The following FRY variants were observed in gnomAD, a reference collection of about 807,000 sequenced individuals.
FRY encodes FRY microtubule binding protein, also known as protein furry homolog.
Under a neutral mutation model 348.4 loss-of-function variants are expected in FRY, and 128 were observed. The ratio of observed to expected loss-of-function variants is 0.37; its 90% CI spans 0.32 to 0.43. The LOEUF is 0.43. Among genes scored for constraint, FRY ranks in the 20% least tolerant of loss-of-function variants. The pLI, the probability that FRY is intolerant of heterozygous loss-of-function variation, is 1.00. For missense variants in FRY, 2,736 were observed against 3,695.2 expected, an observed-to-expected ratio of 0.74 and a Z score of 6.73; for synonymous variants, 1,370 against 1,374.7, an observed-to-expected ratio of 1.00 and a Z score of 0.08.
Position 32,155,734 on chromosome 13 carries a change from G to C in FRY, c.1651+72G>C, listed in dbSNP as rs1204678571. The C allele has an allele frequency of 6.1e-6, 6 of 987,722 alleles. No homozygotes were observed. In the East Asian group the frequency reaches 1.3e-4, roughly 21 times the overall value. 61.2% of individuals were successfully genotyped at this position (987,722 alleles called of 1,614,324 possible). Reference sequence around the variant, plus strand: ...AATGACCAGTAGATATTTATCTTTAGTGAGATGCAGTTTTTAAAAATCTTT... The same window carrying C: ...AATGACCAGTAGATATTTATCTTTACTGAGATGCAGTTTTTAAAAATCTTT... On this transcript the variant is annotated intron_variant, in intron 15 of 60. Coordinates refer to ENST00000542859, the MANE Select transcript of FRY (RefSeq NM_023037.3).
At chr13:32,070,462 A>G (rs371220) in intron 1 of FRY, among the ~76,000 whole-genome samples, 103,396 of 151,936 alleles carry the variant, frequency 0.68, 35,391 homozygotes, top group Non-Finnish European at 0.69. Flanking sequence ...TTTCTCTGAT[A>G]ACCAGTGATG....
chr13:32,069,665 T>C (rs969711459), intron 1 of FRY, among the ~76,000 whole-genome samples: 3 of 152,352 alleles, frequency 2.0e-5, no homozygotes, highest in African/African-American at 7.2e-5. Flanking sequence ...GAAGACATTA[T>C]GCTAAGTGAA....
intron 35 of FRY, among the ~76,000 whole-genome samples, chr13:32,216,521 A>G (rs1228425297): frequency 6.6e-6 from 1 of 152,208 alleles, no homozygotes; most frequent in Non-Finnish European, 1.5e-5. Flanking sequence ...CCAGGGCACA[A>G]TTTAAAACCC....
chr13:32,236,826 CAT>C (rs1212851758), intron 43 of FRY, among the ~76,000 whole-genome samples: 4 of 152,070 alleles, frequency 2.6e-5, no homozygotes, highest in African/African-American at 7.2e-5. Flanking sequence ...AAACATCACA[CAT>C]ATTTATCTAT....
intron 46 of FRY, among the ~76,000 whole-genome samples, chr13:32,242,723 C>T (rs1042098520): frequency 3.9e-5 from 6 of 152,212 alleles, no homozygotes; most frequent in Non-Finnish European, 7.4e-5. Context: ...TTAGTAGAGA[C>T]TGGGTTTCAC....
chr13:32,067,114 G>C (rs542263445), intron 1 of FRY, among the ~76,000 whole-genome samples: 1 of 152,320 alleles, frequency 6.6e-6, no homozygotes, highest in East Asian at 1.9e-4. Flanking sequence ...TGTGTGGTAG[G>C]AGGGTGACAG....
At chr13:32,064,875 G>A (rs1240226471) in intron 1 of FRY, among the ~76,000 whole-genome samples, 2 of 152,070 alleles carry the variant, frequency 1.3e-5, no homozygotes, top group Non-Finnish European at 2.9e-5. Flanking sequence ...CTTTTGAAGC[G>A]AAAATAGTTC....
rs552131734 is a variant in FRY at position 32,256,852 on chromosome 13, C to A, written c.7416+2458C>A. Among the ~76,000 whole-genome samples, 24 of 145,924 alleles carry A rather than the reference C, an allele frequency of 1.6e-4. No homozygotes were observed. The South Asian group carries it at 2.0e-3, about 12-fold the overall frequency. ...CATTCCTCATCTGAAAATTCAAAAT[C>A]TGAAATGCTCCAAAATCCTAAACTT... is the stretch of plus-strand genomic sequence containing the variant. On this transcript the variant is annotated intron_variant, in intron 51 of 60. Coordinates refer to ENST00000542859, the MANE Select transcript of FRY (RefSeq NM_023037.3).
At chr13:32,125,195 C>G (rs1032956716) in intron 7 of FRY, among the ~76,000 whole-genome samples, 1 of 152,196 alleles carries the variant, frequency 6.6e-6, no homozygotes, top group Non-Finnish European at 1.5e-5. Context: ...TCTGTTTTCT[C>G]TAGCCCATGA....
chr13:32,101,212 A>C (rs1477407299), intron 2 of FRY, among the ~76,000 whole-genome samples: 1 of 152,154 alleles, frequency 6.6e-6, no homozygotes, highest in Non-Finnish European at 1.5e-5. Context: ...GAGATTGTGC[A>C]GTATTTGTCT....
chr13:32,050,719 G>A (rs1873275835), intron 1 of FRY, among the ~76,000 whole-genome samples: 1 of 152,080 alleles, frequency 6.6e-6, no homozygotes, highest in African/African-American at 2.4e-5. Flanking sequence ...GGGCTGACAG[G>A]GCATGACACT....
intron 49 of FRY, among the ~76,000 whole-genome samples, chr13:32,250,565 G>T (rs965465779): frequency 6.6e-5 from 10 of 152,208 alleles, no homozygotes; most frequent in African/African-American, 2.4e-4. Context: ...AGCGACAGAG[G>T]CCTTTCCTCT....
chr13:32,262,388 A>C lies in FRY; in HGVS notation c.7692A>C (p.Ala2564=). The C allele has an allele frequency of 1.2e-6, 2 of 1,613,646 alleles. No individual in the cohort carries two copies. The highest frequency in any genetic ancestry group is 1.7e-6 in the Non-Finnish European group (2 of 1,179,514). The change falls in exon 53 of 61, where the codon GCA becomes GCC. Residue 2564 remains alanine, a synonymous_variant. Transcript: ENST00000542859. ...LLTTACDSTP[A]EPHSFNTRMS... ...CCACAGCCTGTGACTCGACCCCTGCAGAACCTCATTCCTTTAACACCAGAA... is the reference window on the plus strand; with the variant it reads ...CCACAGCCTGTGACTCGACCCCTGCCGAACCTCATTCCTTTAACACCAGAA...
At chr13:32,134,653 C>T (rs1296677972) in intron 8 of FRY, among the ~76,000 whole-genome samples, 2 of 152,178 alleles carry the variant, frequency 1.3e-5, no homozygotes, top group Non-Finnish European at 2.9e-5. Flanking sequence ...GTTAGAGATG[C>T]TTTGTCCTTT....
intron 2 of FRY, among the ~76,000 whole-genome samples, chr13:32,094,112 G>A (rs1463963029): frequency 3.3e-5 from 5 of 152,072 alleles, no homozygotes; most frequent in African/African-American, 4.8e-5. Context: ...TTAAAAACCA[G>A]GATATCTGAA....
chr13:32,146,619 T>C (rs9567264), intron 11 of FRY, among the ~76,000 whole-genome samples: 47,579 of 151,882 alleles, frequency 0.31, 7,668 homozygotes, highest in East Asian at 0.49. Context: ...CAGGCATGAG[T>C]CATCTGAGTT....
At chr13:32,173,635 A>G (rs1158529366) in intron 19 of FRY, 86 bp downstream of exon 19, 2 of 966,130 alleles carry the variant, frequency 2.1e-6, no homozygotes, top group Non-Finnish European at 3.4e-6. Flanking sequence ...ATGCATTACT[A>G]TTTCAGGTAC....
rs138053065 is a variant in FRY at position 32,238,667 on chromosome 13, G to A, written c.6419-585G>A. Among the ~76,000 whole-genome samples, 994 of 152,160 alleles carry A rather than the reference G, an allele frequency of 6.5e-3. 6 individuals are homozygous for A. Among genetic ancestry groups the A allele is most frequent in the Non-Finnish European group, 8.6e-3 (587 of 68,006 alleles). Reference sequence around the variant, plus strand: ...GGGTTTCACCATGTCGGCCAGGATGGTCTCGATATCTTGACCTTGTGATCC... The same window carrying A: ...GGGTTTCACCATGTCGGCCAGGATGATCTCGATATCTTGACCTTGTGATCC... On this transcript the variant is annotated intron_variant, in intron 44 of 60. Transcript: ENST00000542859.
intron 17 of FRY, among the ~76,000 whole-genome samples, chr13:32,165,623 C>G (rs938022285): frequency 2.0e-5 from 3 of 152,188 alleles, no homozygotes; most frequent in Admixed American, 6.5e-5. Context: ...TGGGGCACTT[C>G]TTTCTAATAA....
Sources: allele counts gnomAD v4.1 joint callset (sites outside exome capture counted in the v4.1 genomes callset), GRCh38; gene constraint gnomAD v4.1.1; transcripts MANE v1.5; gene names NCBI Gene and HGNC (gene_info 2026-07-23, HGNC 2026-07-21).